The following ATP10D variants were observed in gnomAD, a reference collection of about 807,000 sequenced individuals.
The protein encoded by ATP10D is phospholipid-transporting ATPase VD.
A neutral mutation model predicts 144.8 loss-of-function variants in ATP10D; 89 were observed. That is an observed-to-expected ratio of 0.61 (90% CI 0.52 to 0.73). The LOEUF is 0.73. Ranked by LOEUF, ATP10D falls within the 30% of genes least tolerant of loss-of-function variation. ATP10D has a pLI of 0.00. For synonymous variants in ATP10D, 571 were observed against 615.1 expected, an observed-to-expected ratio of 0.93 and a Z score of 1.06; for missense variants, 1,603 against 1,714.8, an observed-to-expected ratio of 0.93 and a Z score of 1.15.
Position 47,525,556 on chromosome 4 carries a change from G to A in ATP10D, c.691-1G>A. The A allele has an allele frequency of 2.5e-6, 4 of 1,605,770 alleles. No individual in the cohort carries two copies. The highest frequency in any genetic ancestry group is 3.4e-6 in the Non-Finnish European group (4 of 1,172,834). ...TTTTGTGATTCAAAAAATATTTTTAGGACTCTGAAGTTGATCCTGAGAAGT... is the reference window on the plus strand; with the variant it reads ...TTTTGTGATTCAAAAAATATTTTTAAGACTCTGAAGTTGATCCTGAGAAGT... On this transcript the variant is annotated splice_acceptor_variant, in intron 4 of 22. Coordinates refer to ENST00000273859, the MANE Select transcript of ATP10D (RefSeq NM_020453.4). LOFTEE classifies it high-confidence loss of function.
At chr4:47,492,047 T>C (rs903885812) in intron 1 of ATP10D, among the ~76,000 whole-genome samples, 12 of 152,206 alleles carry the variant, frequency 7.9e-5, no homozygotes, top group Non-Finnish European at 8.8e-5. Context: ...TTTTGTCCGT[T>C]TTGTTCCCTG....
intron 1 of ATP10D, among the ~76,000 whole-genome samples, chr4:47,508,447 A>G (rs1363546887): frequency 6.6e-6 from 1 of 152,206 alleles, no homozygotes; most frequent in Non-Finnish European, 1.5e-5. Flanking sequence ...AGCATTGTTT[A>G]TTTATAGCAT....
intron 5 of ATP10D, among the ~76,000 whole-genome samples, chr4:47,532,998 C>T (rs1367565086): frequency 6.6e-6 from 1 of 152,076 alleles, no homozygotes; most frequent in Non-Finnish European, 1.5e-5. Flanking sequence ...TTATCAGACA[C>T]AGGTAAAATA....
At position 47,537,164 on chromosome 4, in the gene ATP10D, A is replaced by G. The variant is rs190839861; in HGVS notation, c.1396+226A>G. Among the ~76,000 whole-genome samples the G allele has an allele frequency of 4.6e-5, 7 of 152,284 alleles. No individual in the cohort carries two copies. The East Asian group carries it at 1.2e-3, about 25-fold the overall frequency. On this transcript the variant is annotated intron_variant, in intron 9 of 22. Coordinates refer to ENST00000273859, the MANE Select transcript of ATP10D (RefSeq NM_020453.4). ...TTCTTTAAAAGTGAAGTAAATTACT[A>G]GTGGAAGTAAAGGGTGGGAATTGGA...
In ATP10D at chr4:47,536,013, T is replaced by C. The variant is rs1333506681; in HGVS notation, c.995T>C (p.Met332Thr). ...TGGTGTGTCATGCTTCTGGTCATAATGTGCTTAACTGGCGCAGTAGGTAGG... is the reference window on the plus strand; with the variant it reads ...TGGTGTGTCATGCTTCTGGTCATAACGTGCTTAACTGGCGCAGTAGGTAGG... The part of the protein sequence containing the change: ...VLWCVMLLVI[M>T]CLTGAVGHGI... The change falls in exon 7 of 23, where the codon ATG (methionine) becomes ACG (threonine). Residue 332 changes from methionine to threonine, a missense_variant. Coordinates refer to ENST00000273859, the MANE Select transcript of ATP10D (RefSeq NM_020453.4). The C allele has an allele frequency of 3.7e-6, 6 of 1,610,790 alleles. No homozygotes were observed. Among genetic ancestry groups the C allele is most frequent in the Non-Finnish European group, 5.1e-6 (6 of 1,178,704 alleles).
chr4:47,549,415 C>A (rs1310448608), intron 10 of ATP10D, among the ~76,000 whole-genome samples: 1 of 152,176 alleles, frequency 6.6e-6, no homozygotes, highest in African/African-American at 2.4e-5. Context: ...CTATTGTCTC[C>A]CCCAGGTAGA....
At chr4:47,488,001 T>C (rs73138044) in intron 1 of ATP10D, among the ~76,000 whole-genome samples, 78 of 152,308 alleles carry the variant, frequency 5.1e-4, no homozygotes, top group African/African-American at 1.9e-3. Context: ...AACCTGTGAA[T>C]GTTCATAGCC....
chr4:47,491,354 T>C, intron 1 of ATP10D: 1 of 756,042 alleles, frequency 1.3e-6, no homozygotes, highest in South Asian at 1.4e-5. Flanking sequence ...CAATATCACG[T>C]CTCTTATAGA....
At chr4:47,516,304 A>T (rs550803949) in intron 3 of ATP10D, among the ~76,000 whole-genome samples, 1 of 151,982 alleles carries the variant, frequency 6.6e-6, no homozygotes, top group South Asian at 2.1e-4. Context: ...AGAGCATCCC[A>T]TCACAGCAAC....
At position 47,512,755 on chromosome 4, in the gene ATP10D, T is replaced by C. The variant is rs1716416577; in HGVS notation, c.215T>C (p.Val72Ala). 1 of 1,614,186 alleles carries C rather than the reference T, an allele frequency of 6.2e-7. No homozygotes were observed. Among genetic ancestry groups the C allele is most frequent in the Non-Finnish European group, 8.5e-7 (1 of 1,179,994 alleles). The change falls in exon 2 of 23, where the codon GTG (valine) becomes GCG (alanine). Residue 72 changes from valine to alanine, a missense_variant. By Grantham distance (64) the Val-to-Ala change is moderately conservative (BLOSUM62 0). Transcript: ENST00000273859. ...DEYEKFSGAY[V>A]NNRIRTTKYT... ...TATGAGAAGTTCTCCGGAGCCTATG[T>C]GAACAATCGAATACGAACAACAAAG...
At chr4:47,534,191 G>A (rs1001392656) in intron 5 of ATP10D, among the ~76,000 whole-genome samples, 18 of 152,096 alleles carry the variant, frequency 1.2e-4, no homozygotes, top group South Asian at 2.1e-4. Flanking sequence ...CCCCTCCATC[G>A]TTCATTTTCT....
chr4:47,586,585 T>A (rs1242783095), intron 21 of ATP10D, among the ~76,000 whole-genome samples: 3 of 152,190 alleles, frequency 2.0e-5, no homozygotes, highest in Non-Finnish European at 4.4e-5. Context: ...GAATGCTTAC[T>A]CAGGGAGGAG....
chr4:47,556,908 C>T (rs190827279), intron 11 of ATP10D: 1 of 152,162 alleles, frequency 6.6e-6, no homozygotes, highest in Admixed American at 6.5e-5. Context: ...AATAGAAATT[C>T]AAATCCACAT....
intron 1 of ATP10D, among the ~76,000 whole-genome samples, chr4:47,493,030 G>A (rs1266058175): frequency 1.3e-5 from 2 of 151,956 alleles, no homozygotes; most frequent in African/African-American, 4.8e-5. Flanking sequence ...TTCCATTTCA[G>A]CTACAAATAA....
intron 5 of ATP10D, among the ~76,000 whole-genome samples, chr4:47,532,727 C>A (rs1227300828): frequency 9.2e-5 from 14 of 152,174 alleles, no homozygotes; most frequent in Non-Finnish European, 2.9e-5. Context: ...TAAGGTAGAA[C>A]TGACATCCTC....
chr4:47,561,329 T>G (rs578115551), intron 14 of ATP10D, among the ~76,000 whole-genome samples: 1 of 152,302 alleles, frequency 6.6e-6, no homozygotes, highest in South Asian at 2.1e-4. Flanking sequence ...TAACATAGAC[T>G]ACAAAGCCAA....
chr4:47,550,414 T>C (rs896420537), intron 10 of ATP10D, among the ~76,000 whole-genome samples: 1 of 151,598 alleles, frequency 6.6e-6, no homozygotes, highest in African/African-American at 2.4e-5. Context: ...TGAATTTAAA[T>C]AGAGGAGAGA....
chr4:47,486,564 G>A lies in ATP10D; in HGVS notation c.-38+1045G>A, dbSNP rs118113351. ...TCGAAAACCCTTGCTGACTTGTGAA[G>A]AGCAAAAATCATTGCAACGGAGTAG... On this transcript the variant is annotated intron_variant, in intron 1 of 22. Transcript: ENST00000273859. Among the ~76,000 whole-genome samples the A allele has an allele frequency of 4.3e-4, 66 of 152,272 alleles. 2 individuals are homozygous for A. The East Asian group carries it at 0.01, about 24-fold the overall frequency.
chr4:47,552,822 A>C (rs971674177), intron 10 of ATP10D, among the ~76,000 whole-genome samples: 1 of 152,232 alleles, frequency 6.6e-6, no homozygotes, highest in African/African-American at 2.4e-5. Context: ...TCAGTCCCAA[A>C]TGTCTTCTAT....
Sources: gnomAD v4.1 joint callset for allele counts (sites outside exome capture counted in the v4.1 genomes callset) on GRCh38, gnomAD v4.1.1 for gene constraint, MANE v1.5 for transcripts, NCBI Gene and HGNC (gene_info 2026-07-23, HGNC 2026-07-21) for gene names.